The following FCRL6 variants were observed in gnomAD, a reference collection of about 807,000 sequenced individuals.
FCRL6 encodes Fc receptor-like protein 6.
A neutral mutation model predicts 49.1 loss-of-function variants in FCRL6; 50 were observed. That is an observed-to-expected ratio of 1.02 (90% CI 0.81 to 1.29). The LOEUF (loss-of-function observed/expected upper bound fraction) is 1.29, where lower values mean the gene tolerates loss of function less well. Ranked by LOEUF, FCRL6 falls within the 50% of genes most tolerant of loss-of-function variation. The pLI is 0.00. For synonymous variants in FCRL6, 213 were observed against 199.6 expected (o/e 1.07, Z -0.57); for missense variants, 571 against 518.5 (o/e 1.10, Z -0.98).
chr1:159,804,068 GAGCTGAACATT>G (rs776422061), intron 1 of FCRL6, among the ~76,000 whole-genome samples: 24 of 152,258 alleles, frequency 1.6e-4, no homozygotes, highest in Non-Finnish European at 2.6e-4. Context: ...ATTTTCTTCT[GAGCTGAACATT>G]AGCCAACTTC....
Position 159,814,293 on chromosome 1 carries a change from G to T in FCRL6, c.1147+1G>T. ...CATAGAACCTCAAAGAGGAGTGAAG[G>T]TGAGTGATCTCAGGCCAAACTTGGT... is the stretch of plus-strand genomic sequence containing the variant. On this transcript the variant is annotated splice_donor_variant, in intron 8 of 9. Coordinates refer to ENST00000368106, the MANE Select transcript of FCRL6 (RefSeq NM_001004310.3). LOFTEE classifies it high-confidence loss of function. The T allele has an allele frequency of 6.2e-7, 1 of 1,613,850 alleles. No homozygotes were observed.
intron 8 of FCRL6, 91 bp from the exon 9 acceptor site, chr1:159,815,337 T>C (rs1663328215): frequency 1.4e-6 from 2 of 1,426,032 alleles, no homozygotes; most frequent in East Asian, 2.4e-5. Context: ...CCTGGCTTTC[T>C]AGAGGAAGAT....
intron 6 of FCRL6, among the ~76,000 whole-genome samples, chr1:159,810,984 C>T (rs779754458): frequency 1.3e-5 from 2 of 152,220 alleles, no homozygotes; most frequent in Non-Finnish European, 2.9e-5. Context: ...AGCAGGTTCC[C>T]AGGCTGCCCT....
chr1:159,800,768 T>G (rs1401981311), upstream of FCRL6, among the ~76,000 whole-genome samples: 1 of 152,156 alleles, frequency 6.6e-6, no homozygotes. Context: ...ACTTAGAAAA[T>G]TCTCTCTGTC....
intron 1 of FCRL6, 100 bp downstream of exon 1, chr1:159,802,555 G>A: frequency 9.0e-7 from 1 of 1,116,554 alleles, no homozygotes; most frequent in Non-Finnish European, 1.3e-6. Flanking sequence ...AATTCCAGTG[G>A]GTTTGTGGCT....
At position 159,808,770 on chromosome 1, in the gene FCRL6, A is replaced by T; in HGVS notation, c.320-191A>T. 5 of 634,662 alleles carry T rather than the reference A, an allele frequency of 7.9e-6. 1 individual carries two copies. The South Asian group carries it at 1.0e-4, about 13-fold the overall frequency. The allele number at this position is 634,662 out of a possible 1,614,324, so 39.3% of individuals were successfully genotyped here. Reference sequence around the variant, plus strand: ...CTGCCTCTGACTTCCAAGATTCCAGAAGGGCCTGGCTATGTGGGAGTCATT... The same window carrying T: ...CTGCCTCTGACTTCCAAGATTCCAGTAGGGCCTGGCTATGTGGGAGTCATT... On this transcript the variant is annotated intron_variant, in intron 3 of 9. Coordinates refer to ENST00000368106, the MANE Select transcript of FCRL6 (RefSeq NM_001004310.3).
chr1:159,815,799 G>A lies in FCRL6; in HGVS notation c.*138G>A, dbSNP rs1663372870. On this transcript the variant is annotated 3_prime_UTR_variant, in exon 10 of 10. Transcript: ENST00000368106. ...ACAGAGCCCCCTGAGCCCTTGTCCTGGTCAGGAGCACCTGAACCCTGGGTT... is the reference window on the plus strand; with the variant it reads ...ACAGAGCCCCCTGAGCCCTTGTCCTAGTCAGGAGCACCTGAACCCTGGGTT... 1.9e-6 allele frequency: 2 copies of A among 1,061,294 alleles called. No individual in the cohort carries two copies. Among genetic ancestry groups the A allele is most frequent in the South Asian group, 3.1e-5 (2 of 65,096 alleles). The allele number at this position is 1,061,294 out of a possible 1,614,324, so 65.7% of individuals were successfully genotyped here. A position where few individuals can be genotyped will look rare whatever the true frequency, so the allele number is the denominator to read the frequency against.
At chr1:159,815,044 G>A in intron 8 of FCRL6, among the ~76,000 whole-genome samples, 1 of 152,196 alleles carries the variant, frequency 6.6e-6, no homozygotes, top group East Asian at 1.9e-4. Flanking sequence ...TGTAATAGAT[G>A]TTCAAAACAG....
chr1:159,804,191 T>C (rs550675291), intron 1 of FCRL6, among the ~76,000 whole-genome samples: 29 of 152,316 alleles, frequency 1.9e-4, no homozygotes, highest in Middle Eastern at 3.4e-3. Context: ...TGCTGCAGCT[T>C]GGCACTGCAG....
chr1:159,808,105 C>A, intron 2 of FCRL6, 73 bp from the exon 3 acceptor site: 1 of 1,534,854 alleles, frequency 6.5e-7, no homozygotes, highest in Non-Finnish European at 8.8e-7. Context: ...AGGCCTTAGG[C>A]TGGGGGACAG....
At chr1:159,803,861 T>A (rs900867432) in intron 1 of FCRL6, among the ~76,000 whole-genome samples, 5 of 152,200 alleles carry the variant, frequency 3.3e-5, no homozygotes, top group Non-Finnish European at 5.9e-5. Context: ...TGGGGCTGGG[T>A]GTGTAGCAAC....
intron 1 of FCRL6, among the ~76,000 whole-genome samples, chr1:159,805,422 A>C (rs1408440008): frequency 6.6e-6 from 1 of 152,140 alleles, no homozygotes; most frequent in Non-Finnish European, 1.5e-5. Context: ...GGACACAAGT[A>C]AATGTATGAG....
Position 159,815,524 on chromosome 1 carries a change from A to G in FCRL6, c.1180-12A>G, listed in dbSNP as rs898273032. 4 of 1,613,870 alleles carry G rather than the reference A, an allele frequency of 2.5e-6. No homozygotes were observed. The highest frequency in any genetic ancestry group is 2.7e-5 in the African/African-American group (2 of 74,864). On this transcript the variant is annotated splice_polypyrimidine_tract_variant and intron_variant, in intron 9 of 9. Transcript: ENST00000368106. ...ACATTTGCTTCCTCATCCTGAGCCAACTCTTCCACAGGACAGTTCTATCAT... is the reference window on the plus strand; with the variant it reads ...ACATTTGCTTCCTCATCCTGAGCCAGCTCTTCCACAGGACAGTTCTATCAT...
chr1:159,802,791 T>A (rs770475869), intron 1 of FCRL6, among the ~76,000 whole-genome samples: 5 of 152,130 alleles, frequency 3.3e-5, no homozygotes, highest in Non-Finnish European at 5.9e-5. Context: ...TAATCAGAGC[T>A]GTCTCAAAAG....
chr1:159,801,247 T>A (rs1662316945), upstream of FCRL6, among the ~76,000 whole-genome samples: 3 of 152,250 alleles, frequency 2.0e-5, no homozygotes, highest in South Asian at 6.2e-4. Context: ...CTTATATGTA[T>A]ACATTTCTGT....
chr1:159,802,323 GC>G, upstream of FCRL6: 3 of 1,383,668 alleles, frequency 2.2e-6, no homozygotes, highest in South Asian at 2.4e-5. Flanking sequence ...CCCAGCTCAG[GC>G]CACCCACCCA....
At chr1:159,804,053 G>T (rs1327947970) in intron 1 of FCRL6, among the ~76,000 whole-genome samples, 1 of 152,164 alleles carries the variant, frequency 6.6e-6, no homozygotes, top group Non-Finnish European at 1.5e-5. Context: ...GGGAAATTAG[G>T]CTTAATTTTC....
intron 6 of FCRL6, among the ~76,000 whole-genome samples, chr1:159,812,221 G>C (rs1487727336): frequency 6.6e-6 from 1 of 152,166 alleles, no homozygotes; most frequent in Non-Finnish European, 1.5e-5. Context: ...TTAGAATATT[G>C]CTCAGAAAGT....
At chr1:159,805,149 G>A (rs560049798) in intron 1 of FCRL6, among the ~76,000 whole-genome samples, 1 of 152,264 alleles carries the variant, frequency 6.6e-6, no homozygotes, top group East Asian at 1.9e-4. Context: ...ATGGGGGTTA[G>A]GGGTGGAGAT....
Sources: allele counts gnomAD v4.1 joint callset (sites outside exome capture counted in the v4.1 genomes callset), GRCh38; gene constraint gnomAD v4.1.1; transcripts MANE v1.5; gene names NCBI Gene and HGNC (gene_info 2026-07-23, HGNC 2026-07-21).